Variants in CCDC6 observed in about 807,000 individuals in gnomAD.
CCDC6 encodes the protein coiled-coil domain containing 6.
A neutral mutation model predicts 56.6 loss-of-function variants in CCDC6; 20 were observed. The ratio of observed to expected loss-of-function variants is 0.35; its 90% CI spans 0.25 to 0.51. CCDC6 has a LOEUF of 0.51. Among genes scored for constraint, CCDC6 ranks in the 20% least tolerant of loss-of-function variants. The probability of loss-of-function intolerance (pLI) is 0.95; values close to 1 mark genes in which losing one functional copy is unlikely to be tolerated. For missense variants in CCDC6, 367 were observed against 601.1 expected (o/e 0.61, Z 4.07); for synonymous variants, 241 against 234.4 (o/e 1.03, Z -0.26).
chr10:59,848,412 C>G (rs2071011732), intron 2 of CCDC6, among the ~76,000 whole-genome samples: 1 of 152,166 alleles, frequency 6.6e-6, no homozygotes, highest in African/African-American at 2.4e-5. Context: ...GGTGCAGTAG[C>G]TCACACCTAT....
chr10:59,831,079 G>C (rs1170814392), intron 3 of CCDC6, among the ~76,000 whole-genome samples: 5 of 152,206 alleles, frequency 3.3e-5, no homozygotes, highest in Admixed American at 3.3e-4. Context: ...AACTTGAACA[G>C]AACTGGAGCT....
At chr10:59,869,416 A>C (rs1747534363) in intron 1 of CCDC6, among the ~76,000 whole-genome samples, 1 of 69,472 alleles carries the variant, frequency 1.4e-5, no homozygotes, top group African/African-American at 5.9e-5. Flanking sequence ...AAAAAAAAAA[A>C]AAACAGAAAA....
intron 1 of CCDC6, among the ~76,000 whole-genome samples, chr10:59,883,096 G>T (rs1451288149): frequency 6.6e-6 from 1 of 152,080 alleles, no homozygotes; most frequent in African/African-American, 2.4e-5. Context: ...AACACAGTGA[G>T]TCCCAGGGAC....
chr10:59,843,546 C>T (rs2070961448), intron 2 of CCDC6, among the ~76,000 whole-genome samples: 1 of 152,144 alleles, frequency 6.6e-6, no homozygotes, highest in Admixed American at 6.5e-5. Context: ...CCGGTAATTC[C>T]AATATTTGAA....
intron 8 of CCDC6, among the ~76,000 whole-genome samples, chr10:59,793,423 A>C (rs1462054079): frequency 1.3e-5 from 2 of 152,220 alleles, no homozygotes; most frequent in East Asian, 1.9e-4. Flanking sequence ...GTGTGTCACC[A>C]ATTCCCTCTA....
intron 1 of CCDC6, among the ~76,000 whole-genome samples, chr10:59,878,324 T>TC (rs1487019578): frequency 6.6e-6 from 1 of 152,126 alleles, no homozygotes; most frequent in Non-Finnish European, 1.5e-5. Context: ...CATTTCCAGC[T>TC]CCCCCCTTGT....
At chr10:59,859,207 T>C (rs909532105) in intron 1 of CCDC6, among the ~76,000 whole-genome samples, 2 of 137,226 alleles carry the variant, frequency 1.5e-5, no homozygotes, top group East Asian at 2.0e-4. Context: ...TGCGTGTGTG[T>C]GTGTGTGTGT....
At chr10:59,820,605 A>G (rs1007148578) in intron 3 of CCDC6, among the ~76,000 whole-genome samples, 1 of 152,098 alleles carries the variant, frequency 6.6e-6, no homozygotes, top group African/African-American at 2.4e-5. Context: ...AAAATTATTC[A>G]GATGCAGTGC....
chr10:59,804,376 G>A (rs1316608103), intron 7 of CCDC6, 44 bp downstream of exon 7: 3 of 1,146,026 alleles, frequency 2.6e-6, no homozygotes, highest in African/African-American at 1.5e-5. Context: ...CCTATTCAAT[G>A]TGCCAGGAAT....
intron 1 of CCDC6, among the ~76,000 whole-genome samples, chr10:59,905,242 GGAGA>G (rs2071534192): frequency 6.6e-6 from 1 of 152,124 alleles, no homozygotes; most frequent in South Asian, 2.1e-4. Context: ...TGCCACACCA[GGAGA>G]GAGACCTACA....
At chr10:59,884,706 C>A (rs2071369663) in intron 1 of CCDC6, among the ~76,000 whole-genome samples, 2 of 152,112 alleles carry the variant, frequency 1.3e-5, no homozygotes, top group Non-Finnish European at 2.9e-5. Context: ...CGCTGGGTAT[C>A]CTTTTAAGAG....
At chr10:59,832,674 A>G in intron 2 of CCDC6, 21 bp from the exon 3 acceptor site, 1 of 1,609,454 alleles carries the variant, frequency 6.2e-7, no homozygotes, top group Non-Finnish European at 8.5e-7. Context: ...AAAAACACCG[A>G]GATGTGGAAA....
At chr10:59,840,959 T>C (rs985944111) in intron 2 of CCDC6, among the ~76,000 whole-genome samples, 22 of 152,324 alleles carry the variant, frequency 1.4e-4, no homozygotes, top group African/African-American at 5.0e-4. Context: ...AATCTCTTCA[T>C]GACACAGCAA....
At chr10:59,824,207 A>G (rs1004021178) in intron 3 of CCDC6, among the ~76,000 whole-genome samples, 3 of 152,160 alleles carry the variant, frequency 2.0e-5, no homozygotes, top group Admixed American at 1.3e-4. Flanking sequence ...CCTTTTTCAT[A>G]TCCTACAGAG....
At chr10:59,855,258 T>C (rs550076011) in intron 1 of CCDC6, among the ~76,000 whole-genome samples, 16 of 152,298 alleles carry the variant, frequency 1.1e-4, no homozygotes, top group Middle Eastern at 3.4e-3. Context: ...AAAAAAGAAC[T>C]TTCGGTAGAA....
At chr10:59,794,256 T>C (rs968621014) in intron 8 of CCDC6, among the ~76,000 whole-genome samples, 4 of 152,214 alleles carry the variant, frequency 2.6e-5, no homozygotes, top group African/African-American at 4.8e-5. Flanking sequence ...TAATTTTTCA[T>C]AGGAAGTGAA....
intron 3 of CCDC6, among the ~76,000 whole-genome samples, chr10:59,822,130 C>T (rs2070753763): frequency 6.6e-6 from 1 of 152,160 alleles, no homozygotes; most frequent in Non-Finnish European, 1.5e-5. Context: ...TCAGAGTTTA[C>T]TTTCTTTAAT....
chr10:59,859,215 T>C (rs1360650327), intron 1 of CCDC6, among the ~76,000 whole-genome samples: 1 of 146,308 alleles, frequency 6.8e-6, no homozygotes, highest in Non-Finnish European at 1.5e-5. Context: ...TGTGTGTGTG[T>C]GTGTGTGTGT....
At chr10:59,847,789 A>G (rs1406200950) in intron 2 of CCDC6, among the ~76,000 whole-genome samples, 1 of 149,692 alleles carries the variant, frequency 6.7e-6, no homozygotes, top group Non-Finnish European at 1.5e-5. Flanking sequence ...TAATTACTCT[A>G]TAACATTCTG....
Sources: allele counts gnomAD v4.1 joint callset (sites outside exome capture counted in the v4.1 genomes callset), GRCh38; gene constraint gnomAD v4.1.1; transcripts MANE v1.5; gene names NCBI Gene and HGNC (gene_info 2026-07-23, HGNC 2026-07-21).